The following ASTN1 variants were observed in gnomAD, a reference collection of about 807,000 sequenced individuals.
The protein encoded by ASTN1 is astrotactin 1, also known as astrotactin-1.
Under a neutral mutation model 140.7 loss-of-function variants are expected in ASTN1, and 41 were observed. The observed-to-expected ratio is 0.29, with a 90% CI of 0.23 to 0.38. The LOEUF (loss-of-function observed/expected upper bound fraction) is 0.38, where lower values mean the gene tolerates loss of function less well. Among genes scored for constraint, ASTN1 ranks in the 10% least tolerant of loss-of-function variants. The pLI is 1.00. For missense variants in ASTN1, 1,479 were observed against 1,678.8 expected, an observed-to-expected ratio of 0.88 and a Z score of 2.08; for synonymous variants, 640 against 652.2, an observed-to-expected ratio of 0.98 and a Z score of 0.29.
At chr1:176,970,867 T>G (rs1673116322) in intron 8 of ASTN1, among the ~76,000 whole-genome samples, 1 of 151,996 alleles carries the variant, frequency 6.6e-6, no homozygotes. Context: ...TTTTCCGGAC[T>G]TACATATTAT....
At chr1:176,973,999 T>A (rs1196107155) in intron 8 of ASTN1, among the ~76,000 whole-genome samples, 1 of 152,210 alleles carries the variant, frequency 6.6e-6, no homozygotes, top group African/African-American at 2.4e-5. Context: ...GTACAGTATA[T>A]GCCACAAAAA....
chr1:177,103,345 A>G (rs938766360), intron 1 of ASTN1, among the ~76,000 whole-genome samples: 1 of 152,204 alleles, frequency 6.6e-6, no homozygotes, highest in Non-Finnish European at 1.5e-5. Context: ...AGGCTAGAGG[A>G]GATCTACAGT....
chr1:176,931,487 C>CAAAT (rs950665035), intron 16 of ASTN1, among the ~76,000 whole-genome samples: 8 of 151,888 alleles, frequency 5.3e-5, no homozygotes, highest in Admixed American at 2.6e-4. Flanking sequence ...AATAAATAAA[C>CAAAT]AAATAAATAA....
chr1:176,872,756 A>G (rs1372017321), intron 21 of ASTN1, among the ~76,000 whole-genome samples: 3 of 152,124 alleles, frequency 2.0e-5, no homozygotes, highest in African/African-American at 4.8e-5. Context: ...AACATGAGCC[A>G]AGAATCTCTG....
chr1:176,947,291 C>T (rs1672000060), intron 12 of ASTN1, among the ~76,000 whole-genome samples: 2 of 152,174 alleles, frequency 1.3e-5, no homozygotes, highest in South Asian at 4.1e-4. Flanking sequence ...AGCTAGTGTT[C>T]ATTAAATATT....
chr1:176,968,757 G>A (rs1418697333), intron 8 of ASTN1, among the ~76,000 whole-genome samples: 1 of 152,210 alleles, frequency 6.6e-6, no homozygotes, highest in African/African-American at 2.4e-5. Context: ...CAGGAATTGG[G>A]ATAAAGAGAT....
chr1:177,058,892 G>A (rs1225690341), intron 2 of ASTN1, among the ~76,000 whole-genome samples: 3 of 151,390 alleles, frequency 2.0e-5, no homozygotes, highest in African/African-American at 4.9e-5. Flanking sequence ...TAATTCCAGG[G>A]ATAGATGGTA....
At chr1:176,920,037 T>C (rs2103071867) in intron 16 of ASTN1, among the ~76,000 whole-genome samples, 1 of 152,374 alleles carries the variant, frequency 6.6e-6, no homozygotes, top group South Asian at 2.1e-4. Context: ...TTCTTTTTAA[T>C]AGGCAAAAGC....
chr1:176,958,695 GCCTA>G (rs1472649337), intron 9 of ASTN1, among the ~76,000 whole-genome samples: 3 of 152,256 alleles, frequency 2.0e-5, no homozygotes, highest in Non-Finnish European at 4.4e-5. Flanking sequence ...TGATTATGGT[GCCTA>G]CTCAGTAGTT....
At chr1:177,035,657 T>C (rs1358914139) in intron 2 of ASTN1, among the ~76,000 whole-genome samples, 5 of 152,182 alleles carry the variant, frequency 3.3e-5, no homozygotes, top group Admixed American at 1.3e-4. Flanking sequence ...GAGAAATGTG[T>C]ACTTTCTTTC....
chr1:177,073,344 T>G (rs1571743031), intron 1 of ASTN1, among the ~76,000 whole-genome samples: 2 of 152,188 alleles, frequency 1.3e-5, no homozygotes, highest in South Asian at 4.2e-4. Flanking sequence ...TACTATACTT[T>G]GGGAAGCAAG....
At chr1:177,098,230 T>TA (rs1233149343) in intron 1 of ASTN1, among the ~76,000 whole-genome samples, 1 of 151,852 alleles carries the variant, frequency 6.6e-6, no homozygotes, top group Non-Finnish European at 1.5e-5. Flanking sequence ...TCCAGGTAGT[T>TA]AGAGTCAGAA....
At chr1:176,886,375 C>G (rs1669031533) in intron 18 of ASTN1, among the ~76,000 whole-genome samples, 1 of 152,184 alleles carries the variant, frequency 6.6e-6, no homozygotes, top group South Asian at 2.1e-4. Flanking sequence ...CACCTGATAA[C>G]ATTTGGTAGC....
At chr1:176,897,466 C>G (rs920075446) in intron 16 of ASTN1, among the ~76,000 whole-genome samples, 1 of 152,050 alleles carries the variant, frequency 6.6e-6, no homozygotes, top group South Asian at 2.1e-4. Context: ...CTAACTGACC[C>G]GCAGCCCTCC....
chr1:176,888,179 G>A lies in ASTN1; in HGVS notation c.2966C>T (p.Ser989Phe). ...QRLLQEATMS[S>F]LWCSGTGDVI... ...ATCTCCAGTCCCTGAGCACCAGAGAGAGCTCATGGTAGCCTCCTGCAAGAG... is the reference window on the plus strand; with the variant it reads ...ATCTCCAGTCCCTGAGCACCAGAGAAAGCTCATGGTAGCCTCCTGCAAGAG... Residue 989 changes from serine to phenylalanine, a missense_variant, in exon 18 of 23, where the codon TCT (serine) becomes TTT (phenylalanine). Transcript: ENST00000361833. The A allele has an allele frequency of 6.2e-7, 1 of 1,614,098 alleles. No homozygotes were observed. The highest frequency in any genetic ancestry group is 8.5e-7 in the Non-Finnish European group (1 of 1,180,020).
intron 11 of ASTN1, 75 bp downstream of exon 11, chr1:176,957,603 T>C: frequency 1.9e-6 from 3 of 1,544,336 alleles, no homozygotes; most frequent in South Asian, 2.4e-5. Context: ...TCCCTATGTA[T>C]CTGTATTGTG....
In ASTN1 at chr1:177,026,875, A is replaced by G. The variant is rs372141212; in HGVS notation, c.1121-2143T>C. 5.3e-5 allele frequency among the ~76,000 whole-genome samples: 8 copies of G among 152,082 alleles called. No individual in the cohort carries two copies. The East Asian group carries it at 7.7e-4, about 15-fold the overall frequency. On this transcript the variant is annotated intron_variant, in intron 5 of 22. Transcript: ENST00000361833. ...CCTGCCTCAAGCTCACCCTGCTGTC[A>G]CCTATCCTGCATGTTGTCCCTGGGA...
At chr1:176,985,116 G>A (rs1673822949) in intron 8 of ASTN1, among the ~76,000 whole-genome samples, 1 of 152,200 alleles carries the variant, frequency 6.6e-6, no homozygotes, top group Admixed American at 6.5e-5. Context: ...ATACCAGTCT[G>A]CCTTGTGGGG....
intron 16 of ASTN1, among the ~76,000 whole-genome samples, chr1:176,903,308 C>G (rs1669847240): frequency 1.3e-5 from 2 of 151,910 alleles, no homozygotes; most frequent in Admixed American, 1.3e-4. Flanking sequence ...CCCATTTCTT[C>G]CCATATATTT....
Sources: gnomAD v4.1 joint callset for allele counts (sites outside exome capture counted in the v4.1 genomes callset) on GRCh38, gnomAD v4.1.1 for gene constraint, MANE v1.5 for transcripts, NCBI Gene and HGNC (gene_info 2026-07-23, HGNC 2026-07-21) for gene names.